PDZRN3: variants seen among roughly 807,000 people sequenced by gnomAD.
PDZRN3 encodes PDZ domain containing ring finger 3.
A neutral mutation model predicts 85.7 loss-of-function variants in PDZRN3; 38 were observed. The observed-to-expected ratio is 0.44, with a 90% confidence interval of 0.34 to 0.58. The LOEUF (loss-of-function observed/expected upper bound fraction) is 0.58, where lower values mean the gene tolerates loss of function less well. Ranked by LOEUF, PDZRN3 falls within the 20% of genes least tolerant of loss-of-function variation. The probability of loss-of-function intolerance (pLI) is 0.01; values close to 1 mark genes in which losing one functional copy is unlikely to be tolerated. For synonymous variants in PDZRN3, 759 were observed against 638.0 expected, an observed-to-expected ratio of 1.19 and a Z score of -2.86; for missense variants, 1,629 against 1,506.4, an observed-to-expected ratio of 1.08 and a Z score of -1.35.
chr3:73,577,924 T>C (rs1173762699), intron 3 of PDZRN3, among the ~76,000 whole-genome samples: 2 of 152,248 alleles, frequency 1.3e-5, no homozygotes, highest in African/African-American at 2.4e-5. Context: ...GTTTAGGTAC[T>C]GTCCATGGTT....
chr3:73,500,836 T>C lies in PDZRN3; in HGVS notation c.919-96441A>G, dbSNP rs529882215. 9.3e-4 allele frequency among the ~76,000 whole-genome samples: 142 copies of C among 152,330 alleles called. 2 individuals are homozygous for C. The highest frequency in any genetic ancestry group is 2.9e-3 in the African/African-American group (122 of 41,580). On this transcript the variant is annotated intron_variant, in intron 3 of 9. Coordinates refer to ENST00000263666, the MANE Select transcript of PDZRN3 (RefSeq NM_015009.3). ...AAGCCTTCAATCTTAAGGCTTTCAT[T>C]TCTTCACACAGCCTAACTGATCCAC... is the stretch of plus-strand genomic sequence containing the variant.
chr3:73,562,770 C>T (rs75637127), intron 3 of PDZRN3, among the ~76,000 whole-genome samples: 1 of 151,694 alleles, frequency 6.6e-6, no homozygotes, highest in East Asian at 2.0e-4. Flanking sequence ...GCTTTTCTTC[C>T]TCTTTTTAAT....
intron 6 of PDZRN3, 140 bp downstream of exon 6, chr3:73,390,878 T>C (rs1701509685): frequency 3.2e-6 from 2 of 618,546 alleles, no homozygotes; most frequent in East Asian, 2.6e-5. Context: ...TGCAGCGCCA[T>C]GGAGTGTGAT....
intron 3 of PDZRN3, among the ~76,000 whole-genome samples, chr3:73,589,431 A>G (rs1378385851): frequency 6.6e-6 from 1 of 152,210 alleles, no homozygotes; most frequent in Non-Finnish European, 1.5e-5. Context: ...AAACAAACTA[A>G]AGGAGAAAAG....
At chr3:73,498,736 C>A (rs1703917268) in intron 3 of PDZRN3, among the ~76,000 whole-genome samples, 1 of 152,108 alleles carries the variant, frequency 6.6e-6, no homozygotes, top group Non-Finnish European at 1.5e-5. Context: ...AGGCACACGC[C>A]ACCGCGCCTG....
At chr3:73,596,518 G>A (rs1182264387) in intron 3 of PDZRN3, among the ~76,000 whole-genome samples, 1 of 152,148 alleles carries the variant, frequency 6.6e-6, no homozygotes, top group Non-Finnish European at 1.5e-5. Context: ...TAACCAAGTG[G>A]TTCAAGTTAA....
In PDZRN3 at chr3:73,505,131, A is replaced by T. The variant is rs576690622; in HGVS notation, c.918+97223T>A. 3.9e-5 allele frequency among the ~76,000 whole-genome samples: 6 copies of T among 152,322 alleles called. No individual in the cohort carries two copies. The South Asian group carries it at 8.3e-4, about 21-fold the overall frequency. ...GTGGCTTGGAATTTGAGAGTATGAG[A>T]TTACGAAGCTGAAGGCAAAGATTTT... is the stretch of plus-strand genomic sequence containing the variant. On this transcript the variant is annotated intron_variant, in intron 3 of 9. Transcript: ENST00000263666.
intron 3 of PDZRN3, among the ~76,000 whole-genome samples, chr3:73,521,930 T>G (rs1428491242): frequency 6.6e-6 from 1 of 152,154 alleles, no homozygotes; most frequent in Admixed American, 6.5e-5. Context: ...TTCAGTGTAG[T>G]GAGCAGGGTT....
chr3:73,604,626 C>T (rs1559755200), intron 2 of PDZRN3, among the ~76,000 whole-genome samples: 1 of 151,900 alleles, frequency 6.6e-6, no homozygotes, highest in Non-Finnish European at 1.5e-5. Context: ...CTCAATGGAC[C>T]ACAAAAGATT....
chr3:73,404,279 G>T lies in PDZRN3; in HGVS notation c.1035C>A (p.Phe345Leu). ...CCAGCTGAGACTCTGATGGAGGCGT[G>T]AACATTTTGGTCCTTGGTGTTCTTC... The part of the protein sequence containing the change: ...VLRRTPRTKM[F>L]TPPSESQLVD... The change falls in exon 4 of 10, where the codon TTC becomes TTA. Residue 345 changes from phenylalanine (F) to leucine (L), a missense_variant. Transcript: ENST00000263666. 1 of 1,614,104 alleles carries T rather than the reference G, an allele frequency of 6.2e-7. No homozygotes were observed. The highest frequency in any genetic ancestry group is 8.5e-7 in the Non-Finnish European group (1 of 1,180,028).
intron 3 of PDZRN3, among the ~76,000 whole-genome samples, chr3:73,595,980 C>A (rs1370534457): frequency 6.6e-6 from 1 of 152,080 alleles, no homozygotes; most frequent in Non-Finnish European, 1.5e-5. Flanking sequence ...ATTTTGGTTT[C>A]TAAACACTAT....
At chr3:73,496,088 G>GA (rs530218813) in intron 3 of PDZRN3, among the ~76,000 whole-genome samples, 35 of 145,520 alleles carry the variant, frequency 2.4e-4, no homozygotes, top group South Asian at 4.4e-4. Context: ...ATATGCACTT[G>GA]AAAAAAAAAA....
At chr3:73,455,576 G>C (rs528534000) in intron 3 of PDZRN3, among the ~76,000 whole-genome samples, 1 of 152,292 alleles carries the variant, frequency 6.6e-6, no homozygotes, top group East Asian at 1.9e-4. Flanking sequence ...CATGATTTCT[G>C]AACTTCTAAT....
At chr3:73,437,703 C>T (rs1702557192) in intron 3 of PDZRN3, among the ~76,000 whole-genome samples, 1 of 152,148 alleles carries the variant, frequency 6.6e-6, no homozygotes, top group African/African-American at 2.4e-5. Context: ...TAAAACAAGA[C>T]ATACCAAAGT....
chr3:73,414,477 T>A (rs1054088621), intron 3 of PDZRN3, among the ~76,000 whole-genome samples: 1 of 152,242 alleles, frequency 6.6e-6, no homozygotes, highest in Non-Finnish European at 1.5e-5. Flanking sequence ...AAAATTATGA[T>A]GTGTATCACT....
At chr3:73,574,372 T>C (rs887206884) in intron 3 of PDZRN3, among the ~76,000 whole-genome samples, 17 of 147,668 alleles carry the variant, frequency 1.2e-4, no homozygotes, top group African/African-American at 4.0e-4. Context: ...GAAATCCTTC[T>C]TAGCCACTCC....
At chr3:73,436,261 G>T (rs570929489) in intron 3 of PDZRN3, among the ~76,000 whole-genome samples, 1 of 152,262 alleles carries the variant, frequency 6.6e-6, no homozygotes, top group African/African-American at 2.4e-5. Flanking sequence ...CAAGCCTTTT[G>T]GCTTCCTGAG....
intron 3 of PDZRN3, among the ~76,000 whole-genome samples, chr3:73,436,275 A>G (rs982402792): frequency 6.6e-6 from 1 of 152,208 alleles, no homozygotes; most frequent in African/African-American, 2.4e-5. Flanking sequence ...TCCTGAGGAC[A>G]GGGACTGGGT....
chr3:73,429,971 C>T (rs73096417), intron 3 of PDZRN3, among the ~76,000 whole-genome samples: 123 of 152,166 alleles, frequency 8.1e-4, no homozygotes, highest in African/African-American at 2.9e-3. Context: ...TTTATGTTAG[C>T]CCCACAAAGG....
Sources: gnomAD v4.1 joint callset for allele counts (sites outside exome capture counted in the v4.1 genomes callset) on GRCh38, gnomAD v4.1.1 for gene constraint, MANE v1.5 for transcripts, NCBI Gene and HGNC (gene_info 2026-07-23, HGNC 2026-07-21) for gene names.